Variants in DRAXIN observed in about 807,000 individuals in gnomAD.
DRAXIN encodes the protein dorsal repulsive axon guidance protein.
In DRAXIN, 27 loss-of-function variants were observed where a neutral mutation model predicts 33.9. The observed-to-expected ratio is 0.80, with a 90% confidence interval of 0.59 to 1.10. The LOEUF (loss-of-function observed/expected upper bound fraction) is 1.10. Among genes scored for constraint, DRAXIN ranks in the 50% least tolerant of loss-of-function variants. DRAXIN has a pLI of 0.00. For missense variants in DRAXIN, 371 were observed against 460.8 expected (o/e 0.81, Z 1.78); for synonymous variants, 178 against 194.0 (o/e 0.92, Z 0.69).
At chr1:11,688,560 CA>C (rs35208427), upstream of DRAXIN, among the ~76,000 whole-genome samples, 84,636 of 146,902 alleles carry the variant, frequency 0.58, 25,551 homozygotes, top group African/African-American at 0.81. This position sits in a 1 kb window ranked among gnomAD's most constrained non-coding sequence, Gnocchi z 4.6. Context: ...GACTGCATCT[CA>C]AAAAAAAAAA....
Position 11,706,327 on chromosome 1 carries a change from C to T in DRAXIN, c.69C>T (p.Ser23=), listed in dbSNP as rs1243644449. The T allele has an allele frequency of 1.2e-6, 2 of 1,613,650 alleles. No individual in the cohort carries two copies. The highest frequency in any genetic ancestry group is 3.3e-5 in the Admixed American group (2 of 59,990). The stretch of plus-strand genomic sequence containing the variant: ...TCCTCCTGCTGCCCCTGGAGCTGAG[C>T]CTGGCAGGCGCCCTTGCACCTGGGA... ...FLVLLLPLEL[S]LAGALAPGTP... Residue 23 remains serine (S), a synonymous_variant, in exon 2 of 7, where the codon AGC becomes AGT. Coordinates refer to ENST00000294485, the MANE Select transcript of DRAXIN (RefSeq NM_198545.4). The surrounding 1 kb of genome is among the most constrained non-coding windows in gnomAD (Gnocchi z 5.5).
chr1:11,709,600 C>A lies in DRAXIN; in HGVS notation c.642+135C>A, dbSNP rs1009647901. 9 of 1,096,976 alleles carry A rather than the reference C, an allele frequency of 8.2e-6. No individual in the cohort carries two copies. In the Admixed American group the frequency reaches 1.5e-4, roughly 18 times the overall value. The allele number at this position is 1,096,976 out of a possible 1,614,324, so 68.0% of individuals were successfully genotyped here. On this transcript the variant is annotated intron_variant, in intron 3 of 6. Transcript: ENST00000294485. ...GAGCTTACTTAGATTGAAACCAGAT[C>A]TCCTGCTGCCCATCCAGTCTAGCTC...
At chr1:11,691,594 C>T (rs1641068817), upstream of DRAXIN, 6 of 151,430 alleles carry the variant, frequency 4.0e-5, no homozygotes, top group Admixed American at 3.3e-4. Flanking sequence ...CCGGGCCCGG[C>T]CCCGGGGCTG....
At chr1:11,715,368 G>C (rs1641561532) in intron 6 of DRAXIN, among the ~76,000 whole-genome samples, 160 bp downstream of exon 6, 1 of 152,238 alleles carries the variant, frequency 6.6e-6, no homozygotes, top group Admixed American at 6.5e-5. Flanking sequence ...TCCCTCGGGA[G>C]CCGAAGACGT....
At chr1:11,710,328 C>A (rs1281657303) in intron 3 of DRAXIN, among the ~76,000 whole-genome samples, 3 of 151,730 alleles carry the variant, frequency 2.0e-5, no homozygotes, top group African/African-American at 7.3e-5. Flanking sequence ...CCTGTGTCTA[C>A]AAAACTTTTT....
Position 11,706,508 on chromosome 1 carries a change from A to T in DRAXIN, c.250A>T (p.Thr84Ser). The T allele has an allele frequency of 2.5e-6, 4 of 1,611,642 alleles. No individual in the cohort carries two copies. The South Asian group carries it at 4.4e-5, about 18-fold the overall frequency. The change falls in exon 2 of 7, where the codon ACC becomes TCC. Residue 84 changes from threonine (T) to serine (S), a missense_variant. By Grantham distance (58) the Thr-to-Ser change is moderately conservative (BLOSUM62 1). Transcript: ENST00000294485. This position sits in a 1 kb window ranked among gnomAD's most constrained non-coding sequence, Gnocchi z 5.5. ...QAQDGAVVTA[T>S]RQASRLPEAE... ...CCAGGATGGGGCTGTGGTCACCGCC[A>T]CCAGGCAGGCCTCCAGGCTGCCAGA...
At chr1:11,718,141 T>TAGA (rs547845146) in intron 6 of DRAXIN, among the ~76,000 whole-genome samples, 1 of 116,184 alleles carries the variant, frequency 8.6e-6, no homozygotes, top group South Asian at 2.8e-4. Flanking sequence ...CCATCTCTGC[T>TAGA]AAAAAAAAAA....
At chr1:11,702,139 A>G (rs1467166304) in intron 1 of DRAXIN, among the ~76,000 whole-genome samples, 1 of 150,936 alleles carries the variant, frequency 6.6e-6, no homozygotes, top group African/African-American at 2.4e-5. Flanking sequence ...ACTCATACGT[A>G]CACGCCCACA....
rs192927852 is a variant in DRAXIN, at chr1:11,694,091, G to A, written c.-11+2238G>A. ...TGTCCTCTCCTGTGGGAAGCACCCCGGCACTCCCTTGCCTCCCTAGCTCTT... is the reference window on the plus strand; with the variant it reads ...TGTCCTCTCCTGTGGGAAGCACCCCAGCACTCCCTTGCCTCCCTAGCTCTT... On this transcript the variant is annotated intron_variant, in intron 1 of 6. Coordinates refer to ENST00000294485, the MANE Select transcript of DRAXIN (RefSeq NM_198545.4). This position sits in a 1 kb window ranked among gnomAD's most constrained non-coding sequence, Gnocchi z 4.9. 6.6e-5 allele frequency among the ~76,000 whole-genome samples: 10 copies of A among 152,200 alleles called. No homozygotes were observed. The highest frequency in any genetic ancestry group is 3.9e-4 in the East Asian group (2 of 5,172).
At chr1:11,703,606 A>C (rs1641331383) in intron 1 of DRAXIN, among the ~76,000 whole-genome samples, 1 of 152,186 alleles carries the variant, frequency 6.6e-6, no homozygotes, top group African/African-American at 2.4e-5. Flanking sequence ...TTGAGCAGAT[A>C]AGGGTCACAA....
At chr1:11,707,807 C>T (rs924427283) in intron 2 of DRAXIN, among the ~76,000 whole-genome samples, 7 of 152,222 alleles carry the variant, frequency 4.6e-5, no homozygotes, top group Admixed American at 1.3e-4. Flanking sequence ...CCCATTCAGT[C>T]TCGGAGTAGA....
intron 1 of DRAXIN, among the ~76,000 whole-genome samples, chr1:11,701,031 C>T (rs1170619747): frequency 1.3e-5 from 2 of 152,176 alleles, no homozygotes; most frequent in African/African-American, 2.4e-5. Context: ...CGATTCATCG[C>T]CTTCGTTTGC....
At chr1:11,717,255 C>G (rs1641590711) in intron 6 of DRAXIN, among the ~76,000 whole-genome samples, 1 of 151,880 alleles carries the variant, frequency 6.6e-6, no homozygotes, top group Non-Finnish European at 1.5e-5. Flanking sequence ...TGCACTCCAG[C>G]CTGGGTGACT....
chr1:11,719,163 C>A (rs1288436332), intron 6 of DRAXIN, among the ~76,000 whole-genome samples: 3 of 152,326 alleles, frequency 2.0e-5, no homozygotes, highest in Middle Eastern at 3.4e-3. Context: ...CTCGGCCTTA[C>A]AAAGCGCTGG....
chr1:11,714,356 C>A (rs758162885), intron 5 of DRAXIN, among the ~76,000 whole-genome samples: 1 of 152,226 alleles, frequency 6.6e-6, no homozygotes, highest in South Asian at 2.1e-4. Flanking sequence ...GCCTGTTAGA[C>A]GAGGCCCGTG....
chr1:11,690,288 A>G (rs1641037061), upstream of DRAXIN, among the ~76,000 whole-genome samples: 1 of 152,114 alleles, frequency 6.6e-6, no homozygotes, highest in African/African-American at 2.4e-5. This position sits in a 1 kb window ranked among gnomAD's most constrained non-coding sequence, Gnocchi z 4.2. Context: ...TATGGGATGG[A>G]TGACTCAAAC....
chr1:11,692,990 G>A lies in DRAXIN; in HGVS notation c.-11+1137G>A, dbSNP rs1255411398. ...GAGTCTACAGACCTGGGATGGGGTG[G>A]GGACAGGGGGCTCCACAGAAATGGA... On this transcript the variant is annotated intron_variant, in intron 1 of 6. Transcript: ENST00000294485. This position sits in a 1 kb window ranked among gnomAD's most constrained non-coding sequence, Gnocchi z 5.8. 1.3e-5 allele frequency among the ~76,000 whole-genome samples: 2 copies of A among 151,698 alleles called. No individual in the cohort carries two copies. Among genetic ancestry groups the A allele is most frequent in the African/African-American group, 4.8e-5 (2 of 41,246 alleles).
upstream of DRAXIN, among the ~76,000 whole-genome samples, chr1:11,688,302 G>A (rs541110464): frequency 2.1e-4 from 32 of 152,308 alleles, no homozygotes; most frequent in East Asian, 5.2e-3. This position sits in a 1 kb window ranked among gnomAD's most constrained non-coding sequence, Gnocchi z 4.6. Context: ...GCTCATGCCT[G>A]TAATCCCAGA....
intron 6 of DRAXIN, 121 bp downstream of exon 6, chr1:11,715,329 G>A: frequency 8.3e-7 from 1 of 1,211,372 alleles, no homozygotes; most frequent in Non-Finnish European, 1.2e-6. Context: ...GTGGATCATG[G>A]GCCTGCGGCG....
Sources: gnomAD v4.1 joint callset for allele counts (sites outside exome capture counted in the v4.1 genomes callset) on GRCh38, gnomAD v4.1.1 for gene constraint, Gnocchi (gnomAD v3.1) non-coding constraint, MANE v1.5 for transcripts, NCBI Gene and HGNC (gene_info 2026-07-23, HGNC 2026-07-21) for gene names.